Variants in SMAD4 observed in about 807,000 individuals in gnomAD.
The protein encoded by SMAD4 is MAD homolog 4.
A neutral mutation model predicts 63.2 loss-of-function variants in SMAD4; 7 were observed. That is an observed-to-expected ratio of 0.11 (90% CI 0.06 to 0.21). The LOEUF is 0.21. SMAD4 is among the 10% of genes least tolerant of loss of function. SMAD4 has a pLI of 1.00. For synonymous variants in SMAD4, 215 were observed against 235.4 expected (o/e 0.91, Z 0.79); for missense variants, 312 against 693.8 (o/e 0.45, Z 6.18).
intron 1 of SMAD4, among the ~76,000 whole-genome samples, chr18:51,036,375 A>G (rs1279510836): frequency 6.6e-6 from 1 of 152,236 alleles, no homozygotes; most frequent in Non-Finnish European, 1.5e-5. Flanking sequence ...GATATTCACT[A>G]GTGAATTCTA....
intron 10 of SMAD4, among the ~76,000 whole-genome samples, chr18:51,068,268 A>G (rs1272594029): frequency 6.6e-6 from 1 of 152,212 alleles, no homozygotes; most frequent in African/African-American, 2.4e-5. Flanking sequence ...AATAAACCAC[A>G]TGTACCTATC....
chr18:51,035,569 G>A (rs1030364135), intron 1 of SMAD4, among the ~76,000 whole-genome samples: 8 of 152,150 alleles, frequency 5.3e-5, no homozygotes, highest in South Asian at 2.1e-4. Flanking sequence ...TTCTTAGGGC[G>A]TTAATCTACT....
At chr18:51,053,833 A>G (rs1298091747) in intron 4 of SMAD4, 2 of 152,202 alleles carry the variant, frequency 1.3e-5, no homozygotes, top group African/African-American at 4.8e-5. Context: ...AAGAGAACCT[A>G]CTGTTAGTTC....
chr18:51,059,227 A>G (rs992658539), intron 7 of SMAD4, among the ~76,000 whole-genome samples: 1 of 152,160 alleles, frequency 6.6e-6, no homozygotes, highest in African/African-American at 2.4e-5. Context: ...TCCATTTCTT[A>G]AGAGAATGTA....
intron 1 of SMAD4, among the ~76,000 whole-genome samples, chr18:51,036,001 T>A (rs915694950): frequency 5.3e-5 from 8 of 152,156 alleles, no homozygotes; most frequent in African/African-American, 1.9e-4. Flanking sequence ...TTTATCTATT[T>A]TTTAGAGACA....
At chr18:51,058,485 A>ATTTTTT (rs386387676) in intron 7 of SMAD4, 29 bp downstream of exon 7, 23 of 1,094,998 alleles carry the variant, frequency 2.1e-5, no homozygotes, top group East Asian at 5.0e-5. Flanking sequence ...TGTAAGGGCT[A>ATTTTTT]TTTTTTTTTT....
At chr18:51,041,795 G>T (rs1020961803) in intron 1 of SMAD4, among the ~76,000 whole-genome samples, 1 of 152,196 alleles carries the variant, frequency 6.6e-6, no homozygotes, top group Non-Finnish European at 1.5e-5. Context: ...GATCTGTGAT[G>T]AATGTGTATT....
intron 1 of SMAD4, among the ~76,000 whole-genome samples, chr18:51,038,259 G>GC (rs1431060295): frequency 6.7e-6 from 1 of 149,218 alleles, no homozygotes; most frequent in Non-Finnish European, 1.5e-5. Flanking sequence ...TGTGGGGGGG[G>GC]GGGCAGTATG....
chr18:51,038,835 T>C (rs1909287369), intron 1 of SMAD4, among the ~76,000 whole-genome samples: 1 of 152,220 alleles, frequency 6.6e-6, no homozygotes, highest in Non-Finnish European at 1.5e-5. Flanking sequence ...ATTTATAATA[T>C]GATAAATATC....
In SMAD4 at chr18:51,073,388, T is replaced by TATATATATACACAC. The variant is rs1417299090; in HGVS notation, c.1309-3249_1309-3248insTATATATACACACA. Among the ~76,000 whole-genome samples the TATATATATACACAC allele has an allele frequency of 1.3e-3, 81 of 64,144 alleles. 1 individual carries two copies. The highest frequency in any genetic ancestry group is 4.7e-3 in the African/African-American group (62 of 13,084). The allele number at this position is 64,144 out of a possible 152,430, so 42.1% of individuals were successfully genotyped here. A position where few individuals can be genotyped will look rare whatever the true frequency, so the allele number is the denominator to read the frequency against. On this transcript the variant is annotated intron_variant, in intron 10 of 11. Coordinates refer to ENST00000342988, the MANE Select transcript of SMAD4 (RefSeq NM_005359.6). ...ATATATATATATATATATATATATA[T>TATATATATACACAC]ACACACACACACACACACACACACA...
intron 1 of SMAD4, among the ~76,000 whole-genome samples, chr18:51,038,685 G>A (rs1307340238): frequency 1.3e-5 from 2 of 152,162 alleles, no homozygotes; most frequent in African/African-American, 4.8e-5. Flanking sequence ...AATTTGTGAA[G>A]ATGTAAAACA....
intron 1 of SMAD4, among the ~76,000 whole-genome samples, chr18:51,033,046 G>T (rs1599171376): frequency 6.6e-6 from 1 of 151,768 alleles, no homozygotes. Flanking sequence ...GTGTGGTTAC[G>T]CCCCAAAATT....
chr18:51,036,563 A>G (rs968636318), intron 1 of SMAD4, among the ~76,000 whole-genome samples: 3 of 152,250 alleles, frequency 2.0e-5, no homozygotes, highest in Admixed American at 6.5e-5. Flanking sequence ...AAGAATGTGT[A>G]TAGATGCTGA....
At chr18:51,040,012 A>G (rs1599176027) in intron 1 of SMAD4, among the ~76,000 whole-genome samples, 1 of 152,318 alleles carries the variant, frequency 6.6e-6, no homozygotes, top group Non-Finnish European at 1.5e-5. Context: ...TGTGCTGCAG[A>G]CAGTTGCACT....
intron 8 of SMAD4, among the ~76,000 whole-genome samples, chr18:51,064,145 T>C (rs968784418): frequency 2.6e-5 from 4 of 152,210 alleles, no homozygotes; most frequent in African/African-American, 9.6e-5. Flanking sequence ...TTGCTTCAAA[T>C]TCTAGTTTAA....
chr18:51,059,937 A>C (rs1462614948), intron 8 of SMAD4, 21 bp downstream of exon 8: 1 of 1,581,332 alleles, frequency 6.3e-7, no homozygotes, highest in African/African-American at 1.3e-5. Context: ...TTCAAAATTG[A>C]TTTCCTGTAT....
chr18:51,037,101 T>C (rs1008614183), intron 1 of SMAD4, among the ~76,000 whole-genome samples: 5 of 152,216 alleles, frequency 3.3e-5, no homozygotes, highest in Non-Finnish European at 2.9e-5. Flanking sequence ...AGAGAATTGC[T>C]TGAGCCTGGG....
intron 5 of SMAD4, 67 bp from the exon 6 acceptor site, chr18:51,058,058 T>G (rs1439888998): frequency 6.3e-7 from 1 of 1,588,636 alleles, no homozygotes; most frequent in African/African-American, 1.3e-5. Context: ...TGGTCCTTCA[T>G]TTAGTATATG....
Position 51,048,679 on chromosome 18 carries a change from T to C in SMAD4, c.250-7T>C. On this transcript the variant is annotated splice_region_variant and splice_polypyrimidine_tract_variant and intron_variant, in intron 2 of 11. Transcript: ENST00000342988. ...ACACATGAATAAATGGTCGTTTATT[T>C]TTCTAGGTGGCTGGTCGGAAAGGAT... 6.2e-7 allele frequency: 1 copy of C among 1,611,058 alleles called. No individual in the cohort carries two copies. Among genetic ancestry groups the C allele is most frequent in the Non-Finnish European group, 8.5e-7 (1 of 1,178,000 alleles).
Sources: allele counts gnomAD v4.1 joint callset (sites outside exome capture counted in the v4.1 genomes callset), GRCh38; gene constraint gnomAD v4.1.1; transcripts MANE v1.5; gene names NCBI Gene and HGNC (gene_info 2026-07-23, HGNC 2026-07-21).